UBAC2: variants seen among roughly 807,000 people sequenced by gnomAD.
UBAC2 encodes the protein UBA domain containing 2, also known as ubiquitin-associated domain-containing protein 2.
A neutral mutation model predicts 44.0 loss-of-function variants in UBAC2; 26 were observed. The ratio of observed to expected loss-of-function variants is 0.59; its 90% CI spans 0.43 to 0.82. The LOEUF (loss-of-function observed/expected upper bound fraction) is 0.82. UBAC2 is among the 40% of genes least tolerant of loss of function. The pLI is 0.00. For synonymous variants in UBAC2, 155 were observed against 154.3 expected (o/e 1.00, Z -0.04); for missense variants, 329 against 419.4 (o/e 0.78, Z 1.88).
chr13:99,204,442 A>G lies in UBAC2; in HGVS notation c.31+3503A>G, dbSNP rs999528158. Among the ~76,000 whole-genome samples the G allele has an allele frequency of 2.6e-5, 4 of 152,284 alleles. No homozygotes were observed. The East Asian group carries it at 7.7e-4, about 29-fold the overall frequency. ...AGGGGTGGTTATGGCTGGAGTGAGC[A>G]GTTCGTAAGAGATGTGTGGTGAAGT... On this transcript the variant is annotated intron_variant, in intron 1 of 8. Transcript: ENST00000403766.
intron 4 of UBAC2, among the ~76,000 whole-genome samples, chr13:99,259,428 T>C (rs1872157750): frequency 6.6e-6 from 1 of 151,794 alleles, no homozygotes; most frequent in Non-Finnish European, 1.5e-5. Context: ...GGTGATAAAA[T>C]ACTTTTGATT....
chr13:99,219,579 AT>A (rs1269787111), intron 1 of UBAC2, among the ~76,000 whole-genome samples: 1 of 151,990 alleles, frequency 6.6e-6, no homozygotes, highest in Non-Finnish European at 1.5e-5. Context: ...ACATTCTGAG[AT>A]TTTTTTCAAT....
intron 8 of UBAC2, chr13:99,376,936 G>A (rs1042581094): frequency 1.6e-4 from 24 of 152,218 alleles, no homozygotes; most frequent in African/African-American, 5.6e-4. Context: ...ATGACTGCAA[G>A]CCCATGAAGC....
chr13:99,314,241 T>G, intron 5 of UBAC2, 21 bp downstream of exon 5: 2 of 1,572,014 alleles, frequency 1.3e-6, no homozygotes, highest in South Asian at 2.4e-5. Context: ...CATTTTTATG[T>G]TCACTTTTCT....
At chr13:99,254,801 A>T in intron 4 of UBAC2, 1 of 1,109,462 alleles carries the variant, frequency 9.0e-7, no homozygotes, top group Non-Finnish European at 1.3e-6. Context: ...TGATAGTATT[A>T]TACAGAATAT....
chr13:99,242,591 CG>C (rs1319977659), intron 2 of UBAC2, among the ~76,000 whole-genome samples: 1 of 108,664 alleles, frequency 9.2e-6, no homozygotes, highest in Admixed American at 9.8e-5. Flanking sequence ...CGGGCAGAGG[CG>C]CCCCTCACCT....
chr13:99,355,659 CCTGG>C (rs2045168632), intron 7 of UBAC2, among the ~76,000 whole-genome samples: 1 of 152,242 alleles, frequency 6.6e-6, no homozygotes, highest in East Asian at 1.9e-4. Flanking sequence ...CCTGACGGTC[CCTGG>C]AGGAAAAGTT....
chr13:99,357,035 C>G (rs890005442), intron 7 of UBAC2, among the ~76,000 whole-genome samples: 2 of 152,128 alleles, frequency 1.3e-5, no homozygotes, highest in Non-Finnish European at 2.9e-5. Context: ...AGTCATGCAC[C>G]ACATAACAAT....
At chr13:99,217,863 T>C (rs979732581) in intron 1 of UBAC2, among the ~76,000 whole-genome samples, 2 of 152,210 alleles carry the variant, frequency 1.3e-5, no homozygotes, top group Non-Finnish European at 2.9e-5. Context: ...TCCACCGAGC[T>C]CGTGCCCACC....
rs112027403 is a variant in UBAC2 at position 99,290,797 on chromosome 13, C to A, written c.390-23300C>A. Among the ~76,000 whole-genome samples, 428 of 151,492 alleles carry A rather than the reference C, an allele frequency of 2.8e-3. 3 individuals carry two copies. Among genetic ancestry groups the A allele is most frequent in the African/African-American group, 9.9e-3 (408 of 41,250 alleles). ...GGGAAGAGTGCATTTAAGAGGAGAG[C>A]ACCCAGGTAGGGATTTGTTCACCAC... On this transcript the variant is annotated intron_variant, in intron 4 of 8. Coordinates refer to ENST00000403766, the MANE Select transcript of UBAC2 (RefSeq NM_001144072.2).
At chr13:99,323,033 T>A (rs905352850) in intron 6 of UBAC2, among the ~76,000 whole-genome samples, 7 of 152,114 alleles carry the variant, frequency 4.6e-5, no homozygotes, top group African/African-American at 1.7e-4. Flanking sequence ...CTTTAGAGTA[T>A]GTTTTGAGGC....
chr13:99,206,009 C>T (rs72648069), intron 1 of UBAC2: 20,705 of 153,062 alleles, frequency 0.14, 1,648 homozygotes, highest in East Asian at 0.32. Context: ...ATTGGATCTG[C>T]GGCGAGGGAG....
chr13:99,228,156 C>G (rs1160843467), intron 1 of UBAC2, among the ~76,000 whole-genome samples: 3 of 152,214 alleles, frequency 2.0e-5, no homozygotes, highest in African/African-American at 7.2e-5. Flanking sequence ...ATGGATCAAG[C>G]TGCCCGTTGC....
At chr13:99,368,093 G>T (rs1032036928) in intron 8 of UBAC2, among the ~76,000 whole-genome samples, 187 bp downstream of exon 8, 1 of 152,140 alleles carries the variant, frequency 6.6e-6, no homozygotes, top group Non-Finnish European at 1.5e-5. Flanking sequence ...GTTTAAGGAA[G>T]GCATTATTGG....
At chr13:99,354,193 A>G (rs2045141005) in intron 7 of UBAC2, among the ~76,000 whole-genome samples, 1 of 152,154 alleles carries the variant, frequency 6.6e-6, no homozygotes, top group Non-Finnish European at 1.5e-5. Context: ...CAAGGAGCTC[A>G]TATCTTATTG....
chr13:99,298,265 A>C (rs1441993021), intron 4 of UBAC2, among the ~76,000 whole-genome samples: 3 of 152,230 alleles, frequency 2.0e-5, no homozygotes, highest in African/African-American at 7.2e-5. Flanking sequence ...CTAGGTCACC[A>C]GAAGACTCAA....
chr13:99,314,500 T>C (rs1421118272), intron 5 of UBAC2, among the ~76,000 whole-genome samples: 1 of 152,238 alleles, frequency 6.6e-6, no homozygotes, highest in African/African-American at 2.4e-5. Context: ...TACAATTGCA[T>C]GTGCGTACTT....
At chr13:99,228,275 T>G (rs1210876155) in intron 1 of UBAC2, among the ~76,000 whole-genome samples, 1 of 150,686 alleles carries the variant, frequency 6.6e-6, no homozygotes, top group Non-Finnish European at 1.5e-5. Context: ...AGGAGCAATA[T>G]TCTCTATATT....
chr13:99,217,806 G>A (rs1481783682), intron 1 of UBAC2, among the ~76,000 whole-genome samples: 10 of 152,164 alleles, frequency 6.6e-5, no homozygotes, highest in Admixed American at 1.3e-4. Context: ...GTCCTGAGGC[G>A]GATGATCTGG....
Sources: allele counts gnomAD v4.1 joint callset (sites outside exome capture counted in the v4.1 genomes callset), GRCh38; gene constraint gnomAD v4.1.1; transcripts MANE v1.5; gene names NCBI Gene and HGNC (gene_info 2026-07-23, HGNC 2026-07-21).